Variants in LGALS12 observed in about 807,000 individuals in gnomAD.
LGALS12 encodes the protein galectin 12.
A neutral mutation model predicts 36.8 loss-of-function variants in LGALS12; 36 were observed. The observed-to-expected ratio is 0.98, with a 90% CI of 0.75 to 1.29. LGALS12 has a LOEUF of 1.29. LGALS12 is among the 50% of genes most tolerant of loss of function. The pLI is 0.00. For synonymous variants in LGALS12, 145 were observed against 155.9 expected (o/e 0.93, Z 0.52); for missense variants, 366 against 394.3 (o/e 0.93, Z 0.61).
At chr11:63,510,995 C>A in intron 5 of LGALS12, 84 bp from the exon 6 acceptor site, 1 of 1,410,422 alleles carries the variant, frequency 7.1e-7, no homozygotes, top group Non-Finnish European at 1.0e-6. Context: ...CCCAAATATT[C>A]CCAATTTGTT....
chr11:63,506,333 G>T lies in LGALS12; in HGVS notation c.-126G>T. 1.2e-6 allele frequency: 2 copies of T among 1,605,424 alleles called. No individual in the cohort carries two copies. Among genetic ancestry groups the T allele is most frequent in the Non-Finnish European group, 1.7e-6 (2 of 1,174,690 alleles). ...AGACAGCATTAAAACGCTGCAGGTC[G>T]CAGGTGAGACTAACAGCTGGGAGAG... On this transcript the variant is annotated 5_prime_UTR_variant, in exon 1 of 9. Coordinates refer to ENST00000394618, the MANE Select transcript of LGALS12 (RefSeq NM_033101.4).
At chr11:63,508,440 T>C in intron 1 of LGALS12, 113 bp from the exon 2 acceptor site, 1 of 1,492,612 alleles carries the variant, frequency 6.7e-7, no homozygotes, top group East Asian at 2.4e-5. Context: ...GAATTTTCTG[T>C]TTGGAGAGGA....
At chr11:63,514,465 G>A (rs773007052) in intron 7 of LGALS12, among the ~76,000 whole-genome samples, 29 of 152,182 alleles carry the variant, frequency 1.9e-4, no homozygotes, top group Middle Eastern at 3.2e-3. Flanking sequence ...CAGCTACTCC[G>A]GAGGCTGAGG....
chr11:63,515,573 A>G lies in LGALS12; in HGVS notation c.658A>G (p.Ser220Gly). 1 of 1,614,154 alleles carries G rather than the reference A, an allele frequency of 6.2e-7. No homozygotes were observed. The highest frequency in any genetic ancestry group is 8.5e-7 in the Non-Finnish European group (1 of 1,180,008). The change falls in exon 8 of 9, where the codon AGC becomes GGC. Residue 220 changes from serine (S) to glycine (G), a missense_variant. Transcript: ENST00000394618. ...VLQEPKHFTVSLRDQAAHAPV... is the reference protein window; with the variant it reads ...VLQEPKHFTVGLRDQAAHAPV... Reference sequence around the variant, plus strand: ...TCCTGCTTCCTGCAGTTTTACTGTGAGCCTGAGGGACCAGGCTGCCCATGC... The same window carrying G: ...TCCTGCTTCCTGCAGTTTTACTGTGGGCCTGAGGGACCAGGCTGCCCATGC...
At position 63,508,591 on chromosome 11, in the gene LGALS12, T is replaced by C; in HGVS notation, c.108T>C (p.His36=). 6.2e-7 allele frequency: 1 copy of C among 1,614,182 alleles called. No individual in the cohort carries two copies. Among genetic ancestry groups the C allele is most frequent in the South Asian group, 1.1e-5 (1 of 91,082 alleles). The change falls in exon 2 of 9, where the codon CAT becomes CAC. Residue 36 remains histidine (H), a synonymous_variant. Coordinates refer to ENST00000394618, the MANE Select transcript of LGALS12 (RefSeq NM_033101.4). ...PYVTTIFGGL[H]AGKMVMLQGV... Reference sequence around the variant, plus strand: ...TCACGACGATTTTTGGAGGCCTGCATGCAGGCAAGATGGTCATGCTGCAAG... The same window carrying C: ...TCACGACGATTTTTGGAGGCCTGCACGCAGGCAAGATGGTCATGCTGCAAG...
At chr11:63,510,427 T>G in intron 4 of LGALS12, 36 bp from the exon 5 acceptor site, 2 of 1,612,446 alleles carry the variant, frequency 1.2e-6, no homozygotes, top group East Asian at 4.5e-5. Flanking sequence ...GCAGTGGTCC[T>G]AAATGCTGCT....
chr11:63,510,825 G>T (rs1228305720), intron 5 of LGALS12, among the ~76,000 whole-genome samples: 1 of 152,202 alleles, frequency 6.6e-6, no homozygotes, highest in Non-Finnish European at 1.5e-5. Context: ...CGGGACAGAA[G>T]GGGAGATGAG....
rs764270810 is a variant in LGALS12, at chr11:63,516,244, C to T, written c.799-3C>T. On this transcript the variant is annotated splice_region_variant and splice_polypyrimidine_tract_variant and intron_variant, in intron 8 of 8. Transcript: ENST00000394618. ...GCAACCCCCTCATGTCCTCCTTTCCCAGGTGCTGCTCCTGTTCCAGGAGGG... is the reference window on the plus strand; with the variant it reads ...GCAACCCCCTCATGTCCTCCTTTCCTAGGTGCTGCTCCTGTTCCAGGAGGG... The T allele has an allele frequency of 1.3e-6, 2 of 1,559,326 alleles. No homozygotes were observed. The highest frequency in any genetic ancestry group is 2.3e-5 in the East Asian group (1 of 44,380).
chr11:63,510,541 C>T (rs199873928), intron 5 of LGALS12, 40 bp downstream of exon 5: 4 of 1,602,590 alleles, frequency 2.5e-6, no homozygotes, highest in Non-Finnish European at 3.4e-6. Flanking sequence ...GCCACACCAG[C>T]TGACCCGCCC....
intron 7 of LGALS12, among the ~76,000 whole-genome samples, chr11:63,512,990 CT>C (rs2016973955): frequency 1.3e-5 from 2 of 152,032 alleles, no homozygotes; most frequent in South Asian, 4.1e-4. Context: ...AGTCACTGAC[CT>C]CACTAAACCC....
rs2016744100 is a variant in LGALS12 at position 63,506,418 on chromosome 11, C to A, written c.-41C>A. On this transcript the variant is annotated 5_prime_UTR_variant, in exon 1 of 9. Coordinates refer to ENST00000394618, the MANE Select transcript of LGALS12 (RefSeq NM_033101.4). ...ATGAGTCAGCCCAGTGGGGGCAGGGCTCCTGGAACGAGGATCTACAGTTGG... is the reference window on the plus strand; with the variant it reads ...ATGAGTCAGCCCAGTGGGGGCAGGGATCCTGGAACGAGGATCTACAGTTGG... 6.2e-7 allele frequency: 1 copy of A among 1,614,090 alleles called. No individual in the cohort carries two copies. The highest frequency in any genetic ancestry group is 8.5e-7 in the Non-Finnish European group (1 of 1,180,030).
chr11:63,508,446 G>A, intron 1 of LGALS12, 107 bp from the exon 2 acceptor site: 1 of 1,501,706 alleles, frequency 6.7e-7, no homozygotes, highest in Non-Finnish European at 8.9e-7. Flanking sequence ...TCTGTTTGGA[G>A]AGGAAAAGTT....
intron 8 of LGALS12, 81 bp downstream of exon 8, chr11:63,515,794 G>A (rs192558700): frequency 6.8e-7 from 1 of 1,461,780 alleles, no homozygotes; most frequent in East Asian, 2.3e-5. Flanking sequence ...AGATGCTGGG[G>A]CAGGTGTGCA....
intron 6 of LGALS12, 54 bp downstream of exon 6, chr11:63,511,159 C>G: frequency 1.3e-6 from 2 of 1,529,310 alleles, no homozygotes; most frequent in Non-Finnish European, 1.8e-6. Context: ...CCTGGGTGAG[C>G]AGCTAATGAG....
rs949374407 is a variant in LGALS12 at position 63,511,638 on chromosome 11, C to A, written c.559-114C>A. The A allele has an allele frequency of 3.3e-5, 23 of 699,596 alleles. No individual in the cohort carries two copies. In the South Asian group the frequency reaches 3.4e-4, roughly 10 times the overall value. The allele number at this position is 699,596 out of a possible 1,614,324, so 43.3% of individuals were successfully genotyped here. ...TTAACAAATAAGCAGCGTGTCCTGG[C>A]GGCAGGCCTGGGCAGAACATGCCTG... On this transcript the variant is annotated intron_variant, in intron 6 of 8. Coordinates refer to ENST00000394618, the MANE Select transcript of LGALS12 (RefSeq NM_033101.4).
At position 63,511,765 on chromosome 11, in the gene LGALS12, C is replaced by T. The variant is rs781062769; in HGVS notation, c.572C>T (p.Ser191Leu). 1.9e-6 allele frequency: 3 copies of T among 1,613,200 alleles called. No individual in the cohort carries two copies. The highest frequency in any genetic ancestry group is 2.5e-6 in the Non-Finnish European group (3 of 1,179,520). The change falls in exon 7 of 9, where the codon TCA becomes TTA. Residue 191 changes from serine (S) to leucine (L), a missense_variant. Transcript: ENST00000394618. ...LMSPRLEVPC[S>L]HALPQGLSPG... ...TTGTTCCTTCAGGAGGTGCCCTGCT[C>T]ACATGCTCTTCCCCAGGGTCTCTCG...
chr11:63,508,759 G>T lies in LGALS12; in HGVS notation c.159-19G>T, dbSNP rs779376892. 2 of 1,614,066 alleles carry T rather than the reference G, an allele frequency of 1.2e-6. No individual in the cohort carries two copies. The highest frequency in any genetic ancestry group is 2.2e-5 in the South Asian group (2 of 91,092). On this transcript the variant is annotated intron_variant, in intron 2 of 8. Transcript: ENST00000394618. ...GTCTCTGGTCAGAACCGCACTTTGA[G>T]AGCCTCACCTCCCAGTAGGTTTCAG...
Position 63,508,659 on chromosome 11 carries a change from G to T in LGALS12, c.158+18G>T. The T allele has an allele frequency of 6.2e-7, 1 of 1,613,888 alleles. No homozygotes were observed. The highest frequency in any genetic ancestry group is 8.5e-7 in the Non-Finnish European group (1 of 1,179,966). ...GCACACAGGTAAGGCGGGGGAGGTG[G>T]CCCAGGGGGTGCTGGAGCTCAGCCC... On this transcript the variant is annotated intron_variant, in intron 2 of 8. Coordinates refer to ENST00000394618, the MANE Select transcript of LGALS12 (RefSeq NM_033101.4).
chr11:63,512,666 G>C (rs766288367), intron 7 of LGALS12, among the ~76,000 whole-genome samples: 1 of 151,908 alleles, frequency 6.6e-6, no homozygotes, highest in Non-Finnish European at 1.5e-5. Flanking sequence ...GCGCATGCCT[G>C]TAATCCCAGC....
Sources: allele counts gnomAD v4.1 joint callset (sites outside exome capture counted in the v4.1 genomes callset), GRCh38; gene constraint gnomAD v4.1.1; transcripts MANE v1.5; gene names NCBI Gene and HGNC (gene_info 2026-07-23, HGNC 2026-07-21).